MECOM: variants seen among roughly 807,000 people sequenced by gnomAD.
MECOM encodes MDS1 and EVI1 complex locus, also known as histone-lysine N-methyltransferase MECOM.
MECOM carries 13 observed loss-of-function variants against 116.3 expected under a neutral mutation model. That is an observed-to-expected ratio of 0.11 (90% CI 0.07 to 0.18). The LOEUF is 0.18. Ranked by LOEUF, MECOM falls within the 10% of genes least tolerant of loss-of-function variation. The pLI is 1.00. For missense variants in MECOM, 1,299 were observed against 1,509.0 expected (o/e 0.86, Z 2.31); for synonymous variants, 528 against 535.2 (o/e 0.99, Z 0.19).
chr3:169,524,113 T>C (rs979704427), intron 1 of MECOM, among the ~76,000 whole-genome samples: 1 of 150,628 alleles, frequency 6.6e-6, no homozygotes, highest in Non-Finnish European at 1.5e-5. Context: ...CTGAATTTTA[T>C]CTGGCATCTT....
intron 1 of MECOM, among the ~76,000 whole-genome samples, chr3:169,635,842 C>T (rs79446553): frequency 5.3e-5 from 8 of 152,130 alleles, no homozygotes; most frequent in Non-Finnish European, 8.8e-5. Context: ...TTTTTAGAAG[C>T]CACATGATCA....
At chr3:169,180,906 T>G (rs968992745) in intron 2 of MECOM, among the ~76,000 whole-genome samples, 1 of 150,838 alleles carries the variant, frequency 6.6e-6, no homozygotes, top group African/African-American at 2.4e-5. Flanking sequence ...TTATCAACAC[T>G]TCTAAGGAGA....
chr3:169,385,567 A>C (rs1475473127), intron 1 of MECOM, among the ~76,000 whole-genome samples: 1 of 152,248 alleles, frequency 6.6e-6, no homozygotes, highest in Non-Finnish European at 1.5e-5. Context: ...CAATATTTCA[A>C]TGTAATCTAG....
chr3:169,382,860 AAAAATAAAAAAAAT>A (rs1463624882), intron 1 of MECOM, among the ~76,000 whole-genome samples: 2 of 86,402 alleles, frequency 2.3e-5, no homozygotes, highest in African/African-American at 8.3e-5. Context: ...AAAAAAAAAA[AAAAATAAAAAAAAT>A]AAAAAAAGAA....
chr3:169,125,966 T>C (rs1732671815), intron 5 of MECOM, among the ~76,000 whole-genome samples: 1 of 152,096 alleles, frequency 6.6e-6, no homozygotes, highest in Admixed American at 6.6e-5. Context: ...GAAAAAATAT[T>C]CAGAAAATAA....
chr3:169,553,420 C>A (rs919960728), intron 1 of MECOM, among the ~76,000 whole-genome samples: 3 of 152,138 alleles, frequency 2.0e-5, no homozygotes, highest in Non-Finnish European at 2.9e-5. Flanking sequence ...TACTGTACAG[C>A]AGAAATTTTT....
intron 1 of MECOM, among the ~76,000 whole-genome samples, chr3:169,576,834 C>CAGAG (rs1279290609): frequency 2.1e-3 from 193 of 92,106 alleles, no homozygotes; most frequent in Middle Eastern, 0.013. Flanking sequence ...CACACACACA[C>CAGAG]ACACAGAGAG....
chr3:169,203,759 G>A (rs866328670), intron 2 of MECOM, among the ~76,000 whole-genome samples: 2 of 152,222 alleles, frequency 1.3e-5, no homozygotes, highest in East Asian at 3.9e-4. Flanking sequence ...GAAATGGAAC[G>A]GCTTCAGTTG....
chr3:169,199,510 C>T (rs1403145249), intron 2 of MECOM, among the ~76,000 whole-genome samples: 1 of 152,044 alleles, frequency 6.6e-6, no homozygotes, highest in Non-Finnish European at 1.5e-5. Context: ...AACTCCTGGC[C>T]TCAAGTGATC....
chr3:169,458,250 A>G (rs1032643399), intron 1 of MECOM, among the ~76,000 whole-genome samples: 4 of 152,210 alleles, frequency 2.6e-5, no homozygotes, highest in African/African-American at 7.2e-5. Flanking sequence ...GAAACAAACC[A>G]AGATTAATGG....
At chr3:169,533,438 A>G (rs1356303718) in intron 1 of MECOM, among the ~76,000 whole-genome samples, 1 of 151,836 alleles carries the variant, frequency 6.6e-6, no homozygotes, top group African/African-American at 2.4e-5. Context: ...TATTTTCCCA[A>G]CTCTAGCTTC....
rs369859968 is a variant in MECOM at position 169,351,777 on chromosome 3, G to C, written c.375+29410C>G. Among the ~76,000 whole-genome samples, 3 of 151,834 alleles carry C rather than the reference G, an allele frequency of 2.0e-5. No homozygotes were observed. The East Asian group carries it at 5.9e-4, about 30-fold the overall frequency. On this transcript the variant is annotated intron_variant, in intron 2 of 16. Coordinates refer to ENST00000651503, the MANE Select transcript of MECOM (RefSeq NM_004991.4). ...TCTACCACTACTCTTGTCCTAATAA[G>C]GTCACTGACCTTTCAAGCTCAACTC...
intron 5 of MECOM, among the ~76,000 whole-genome samples, chr3:169,125,116 A>G (rs1448074118): frequency 6.6e-6 from 1 of 152,144 alleles, no homozygotes; most frequent in Non-Finnish European, 1.5e-5. Context: ...TGGAAATGCT[A>G]TTCTGAGCAC....
At chr3:169,230,998 C>T (rs552289851) in intron 2 of MECOM, among the ~76,000 whole-genome samples, 2 of 152,166 alleles carry the variant, frequency 1.3e-5, no homozygotes, top group East Asian at 1.9e-4. Context: ...TGTTTAAATA[C>T]TCTCTCTTCT....
At chr3:169,615,892 A>G (rs1769930724) in intron 1 of MECOM, among the ~76,000 whole-genome samples, 1 of 152,260 alleles carries the variant, frequency 6.6e-6, no homozygotes, top group Non-Finnish European at 1.5e-5. Context: ...ACCAAAAACT[A>G]AATGATAATT....
In MECOM at chr3:169,145,123, A is replaced by G. The variant is rs559523826; in HGVS notation, c.376-1291T>C. 5.5e-5 allele frequency: 54 copies of G among 976,034 alleles called. No homozygotes were observed. The African/African-American group carries it at 8.6e-4, about 16-fold the overall frequency. 60.5% of individuals were successfully genotyped at this position (976,034 alleles called of 1,614,324 possible). A position where few individuals can be genotyped will look rare whatever the true frequency, so the allele number is the denominator to read the frequency against. On this transcript the variant is annotated intron_variant, in intron 2 of 16. Coordinates refer to ENST00000651503, the MANE Select transcript of MECOM (RefSeq NM_004991.4). ...AAAATTTAAAAAAGAAAAATCGAAC[A>G]TAAGATAGGGATATTATTAAACACA...
At chr3:169,586,640 A>G (rs1292841487) in intron 1 of MECOM, among the ~76,000 whole-genome samples, 1 of 152,222 alleles carries the variant, frequency 6.6e-6, no homozygotes, top group Non-Finnish European at 1.5e-5. Context: ...TCCCAAAGAA[A>G]GCATTTGCCT....
intron 2 of MECOM, among the ~76,000 whole-genome samples, chr3:169,156,747 T>C (rs1462845330): frequency 2.6e-5 from 4 of 152,172 alleles, no homozygotes; most frequent in Non-Finnish European, 5.9e-5. Flanking sequence ...ATGGGCATAT[T>C]CACATGCAAT....
intron 1 of MECOM, among the ~76,000 whole-genome samples, chr3:169,649,842 T>A (rs768748589): frequency 6.6e-6 from 1 of 152,240 alleles, no homozygotes; most frequent in East Asian, 1.9e-4. Flanking sequence ...TTTTAATTCC[T>A]TGAATGGTAC....
Sources: gnomAD v4.1 joint callset for allele counts (sites outside exome capture counted in the v4.1 genomes callset) on GRCh38, gnomAD v4.1.1 for gene constraint, MANE v1.5 for transcripts, NCBI Gene and HGNC (gene_info 2026-07-23, HGNC 2026-07-21) for gene names.